The following MDM2 variants were observed in gnomAD, a reference collection of about 807,000 sequenced individuals.
The protein encoded by MDM2 is E3 ubiquitin-protein ligase Mdm2.
MDM2 carries 11 observed loss-of-function variants against 64.3 expected under a neutral mutation model. The observed-to-expected ratio is 0.17, with a 90% CI of 0.11 to 0.28. The LOEUF (loss-of-function observed/expected upper bound fraction) is 0.28. Ranked by LOEUF, MDM2 falls within the 10% of genes least tolerant of loss-of-function variation. MDM2 has a pLI of 1.00. For missense variants in MDM2, 388 were observed against 577.1 expected, an observed-to-expected ratio of 0.67 and a Z score of 3.36; for synonymous variants, 194 against 192.9, an observed-to-expected ratio of 1.01 and a Z score of -0.05.
Position 68,813,549 on chromosome 12 carries a change from T to G in MDM2, c.100-5T>G, listed in dbSNP as rs767491109. On this transcript the variant is annotated splice_region_variant and splice_polypyrimidine_tract_variant and intron_variant, in intron 2 of 10. Coordinates refer to ENST00000258149, the MANE Select transcript of MDM2 (RefSeq NM_002392.6). The stretch of plus-strand genomic sequence containing the variant: ...AGTATAATAGCAGTTCTTTTCTCTT[T>G]ATAGGTTAGACCAAAGCCATTGCTT... 15 of 1,608,950 alleles carry G rather than the reference T, an allele frequency of 9.3e-6. No homozygotes were observed. The Admixed American group carries it at 2.5e-4, about 27-fold the overall frequency.
chr12:68,815,047 A>G (rs1881229653), intron 3 of MDM2, among the ~76,000 whole-genome samples: 1 of 152,348 alleles, frequency 6.6e-6, no homozygotes, highest in South Asian at 2.1e-4. Flanking sequence ...CAATCTGTCC[A>G]ATCCACAGTC....
At chr12:68,849,256 G>C (rs558532643), downstream of MDM2, 1 of 150,070 alleles carries the variant, frequency 6.7e-6, no homozygotes, top group Non-Finnish European at 1.5e-5. Flanking sequence ...CACCTGGCTA[G>C]TTTTTGTATT....
downstream of MDM2, chr12:68,848,629 C>T (rs1732962336): frequency 1.3e-5 from 2 of 152,136 alleles, no homozygotes; most frequent in Non-Finnish European, 1.5e-5. Flanking sequence ...TTGCTCCCTA[C>T]AAAAAAGGCC....
intron 8 of MDM2, among the ~76,000 whole-genome samples, chr12:68,830,131 T>A (rs1216463707): frequency 6.6e-6 from 1 of 152,186 alleles, no homozygotes; most frequent in African/African-American, 2.4e-5. Flanking sequence ...CCCAAGACAA[T>A]TCTTCCAATG....
chr12:68,830,818 A>T (rs1882732859), intron 8 of MDM2, among the ~76,000 whole-genome samples: 1 of 152,106 alleles, frequency 6.6e-6, no homozygotes, highest in African/African-American at 2.4e-5. Flanking sequence ...CTCATGTCTC[A>T]GCCTCCTGAG....
intron 8 of MDM2, among the ~76,000 whole-genome samples, chr12:68,831,785 C>T (rs1882817662): frequency 6.6e-6 from 1 of 152,034 alleles, no homozygotes; most frequent in African/African-American, 2.4e-5. Flanking sequence ...TAAAAAATCT[C>T]AGCCGGGCGT....
chr12:68,843,917 GT>G lies in MDM2; in HGVS notation c.*4075del. Reference sequence around the variant, plus strand: ...TTTCAGCTAGAACCTAGTAGAATCTGTTTTTTTCCTTTGGAGGTCCTCAAAG... The same window carrying G: ...TTTCAGCTAGAACCTAGTAGAATCTGTTTTTTCCTTTGGAGGTCCTCAAAG... On this transcript the variant is annotated 3_prime_UTR_variant, in exon 11 of 11. Transcript: ENST00000258149. 1 of 212,504 alleles carries G rather than the reference GT, an allele frequency of 4.7e-6. No individual in the cohort carries two copies. 13.2% of individuals were successfully genotyped at this position (212,504 alleles called of 1,614,324 possible).
At chr12:68,815,923 A>T (rs1881332595) in intron 3 of MDM2, among the ~76,000 whole-genome samples, 1 of 152,244 alleles carries the variant, frequency 6.6e-6, no homozygotes, top group Non-Finnish European at 1.5e-5. Context: ...AGCACAGGGA[A>T]TATAATTTAA....
intron 8 of MDM2, among the ~76,000 whole-genome samples, chr12:68,833,149 A>AATATATAT (rs57734852): frequency 3.0e-4 from 20 of 65,978 alleles, no homozygotes; most frequent in South Asian, 1.7e-3. Context: ...AAAAAAAAAA[A>AATATATAT]ATATATATAT....
intron 8 of MDM2, among the ~76,000 whole-genome samples, chr12:68,829,873 C>T (rs1245218798): frequency 6.6e-6 from 1 of 151,742 alleles, no homozygotes; most frequent in Non-Finnish European, 1.5e-5. Flanking sequence ...AGCAGCATTT[C>T]TTAAGAGATG....
In MDM2 at chr12:68,836,582, CATG is replaced by C. The variant is rs1242847859; in HGVS notation, c.841-87_841-85del. 3.4e-6 allele frequency: 3 copies of C among 870,798 alleles called. No individual in the cohort carries two copies. The South Asian group carries it at 4.0e-5, about 11-fold the overall frequency. 53.9% of individuals were successfully genotyped at this position (870,798 alleles called of 1,614,324 possible). On this transcript the variant is annotated intron_variant, in intron 9 of 10. Coordinates refer to ENST00000258149, the MANE Select transcript of MDM2 (RefSeq NM_002392.6). ...TAAGGCTTTCTCATATATTGTAGTA[CATG>C]ATATTTGTTTAGGACTTATTACTAG...
At position 68,818,541 on chromosome 12, in the gene MDM2, GTATATTA is replaced by G. The variant is rs3730538; in HGVS notation, c.308+1606_308+1612del. Among the ~76,000 whole-genome samples, 902 of 147,372 alleles carry G rather than the reference GTATATTA, an allele frequency of 6.1e-3. 11 individuals are homozygous for G. Among genetic ancestry groups the G allele is most frequent in the African/African-American group, 0.021 (852 of 40,526 alleles). On this transcript the variant is annotated intron_variant, in intron 4 of 10. Transcript: ENST00000258149. ...AGCTTCTTAATTTGTATTATAATTT[GTATATTA>G]TATATTATAATATACATATAATATA...
At position 68,840,221 on chromosome 12, in the gene MDM2, T is replaced by C. The variant is rs1011922131; in HGVS notation, c.*372T>C. The stretch of plus-strand genomic sequence containing the variant: ...GTGCAGTGGCGTGATCTTGGCTCAC[T>C]GCAAGCTCTGCCTCCCGGGTTCGCA... On this transcript the variant is annotated 3_prime_UTR_variant, in exon 11 of 11. Coordinates refer to ENST00000258149, the MANE Select transcript of MDM2 (RefSeq NM_002392.6). 8.6e-5 allele frequency: 17 copies of C among 197,192 alleles called. No individual in the cohort carries two copies. Among genetic ancestry groups the C allele is most frequent in the African/African-American group, 3.8e-4 (16 of 41,702 alleles). 12.2% of individuals were successfully genotyped at this position (197,192 alleles called of 1,614,324 possible).
At position 68,828,618 on chromosome 12, in the gene MDM2, G is replaced by T. The variant is rs1289789736; in HGVS notation, c.524-153G>T. ...AAATAAATAAATACACACAGATAGT[G>T]TTCTGCTGTAACAGTTGGACAGATT... On this transcript the variant is annotated intron_variant, in intron 7 of 10. Transcript: ENST00000258149. The T allele has an allele frequency of 8.1e-6, 5 of 616,046 alleles. No individual in the cohort carries two copies. In the African/African-American group the frequency reaches 9.3e-5, roughly 11 times the overall value. 38.2% of individuals were successfully genotyped at this position (616,046 alleles called of 1,614,324 possible).
At chr12:68,815,431 T>C (rs549615967) in intron 3 of MDM2, among the ~76,000 whole-genome samples, 2 of 130,842 alleles carry the variant, frequency 1.5e-5, no homozygotes, top group Admixed American at 7.6e-5. Context: ...CAGTTTCTTC[T>C]TCTTTTTTTT....
intron 4 of MDM2, among the ~76,000 whole-genome samples, chr12:68,818,464 A>C (rs1342108549): frequency 1.3e-5 from 2 of 150,516 alleles, no homozygotes; most frequent in East Asian, 1.9e-4. Flanking sequence ...ATTATGTGCA[A>C]CTGTGTGTTT....
rs545782400 is a variant in MDM2 at position 68,822,573 on chromosome 12, T to C, written c.359-1790T>C. ...GTAGTAGTTTGAGTTTTCTGAAGTA[T>C]GTAACCCTGATGTATTCATTCCTTC... On this transcript the variant is annotated intron_variant, in intron 5 of 10. Transcript: ENST00000258149. Among the ~76,000 whole-genome samples the C allele has an allele frequency of 2.0e-5, 3 of 152,328 alleles. No individual in the cohort carries two copies. The South Asian group carries it at 6.2e-4, about 32-fold the overall frequency.
intron 5 of MDM2, among the ~76,000 whole-genome samples, chr12:68,821,044 C>CTTTTTTT (rs36054804): frequency 5.8e-5 from 6 of 103,820 alleles, no homozygotes; most frequent in Admixed American, 1.1e-4. Context: ...ACACAGTTTG[C>CTTTTTTT]TTTTTTTTTT....
At chr12:68,821,744 A>G (rs945854372) in intron 5 of MDM2, among the ~76,000 whole-genome samples, 18 of 152,096 alleles carry the variant, frequency 1.2e-4, no homozygotes, top group Admixed American at 9.8e-4. Flanking sequence ...AAAACAAAAC[A>G]AAAAAACACC....
Sources: allele counts gnomAD v4.1 joint callset (sites outside exome capture counted in the v4.1 genomes callset), GRCh38; gene constraint gnomAD v4.1.1; transcripts MANE v1.5; gene names NCBI Gene and HGNC (gene_info 2026-07-23, HGNC 2026-07-21).